Variants in DYNC1H1 observed in about 807,000 individuals in gnomAD.
DYNC1H1 encodes the protein cytoplasmic dynein 1 heavy chain 1.
A neutral mutation model predicts 527.1 loss-of-function variants in DYNC1H1; 51 were observed. The observed-to-expected ratio is 0.10, with a 90% CI of 0.08 to 0.12. The LOEUF (loss-of-function observed/expected upper bound fraction) is 0.12, where lower values mean the gene tolerates loss of function less well. Among genes scored for constraint, DYNC1H1 ranks in the 10% least tolerant of loss-of-function variants. DYNC1H1 has a pLI of 1.00. For synonymous variants in DYNC1H1, 2,189 were observed against 2,278.8 expected, an observed-to-expected ratio of 0.96 and a Z score of 1.12; for missense variants, 2,771 against 5,971.8, an observed-to-expected ratio of 0.46 and a Z score of 17.66.
rs2048604872 is a variant in DYNC1H1 at position 102,038,552 on chromosome 14, G to A, written c.11001G>A (p.Gln3667=). Residue 3667 remains glutamine (Q), a synonymous_variant, in exon 58 of 78, where the codon CAG becomes CAA. Coordinates refer to ENST00000360184, the MANE Select transcript of DYNC1H1 (RefSeq NM_001376.5). The surrounding 1 kb of genome is among the most constrained non-coding windows in gnomAD (Gnocchi z 7.2). The part of the protein sequence containing the change: ...GGRVLITLGD[Q]DIDLSPSFVI... ...GAGTGCTGATCACTCTCGGGGACCAGGACATAGACCTGTCGCCATCGTTTG... is the reference window on the plus strand; with the variant it reads ...GAGTGCTGATCACTCTCGGGGACCAAGACATAGACCTGTCGCCATCGTTTG... 11 of 1,614,114 alleles carry A rather than the reference G, an allele frequency of 6.8e-6. No individual in the cohort carries two copies. Among genetic ancestry groups the A allele is most frequent in the Admixed American group, 1.7e-5 (1 of 60,002 alleles).
chr14:102,010,107 C>T lies in DYNC1H1; in HGVS notation c.6221+21C>T. On this transcript the variant is annotated intron_variant, in intron 30 of 77. Coordinates refer to ENST00000360184, the MANE Select transcript of DYNC1H1 (RefSeq NM_001376.5). The surrounding 1 kb of genome is among the most constrained non-coding windows in gnomAD (Gnocchi z 6.0). ...TTTAAGTAAGTAGCCTAGAATTCTT[C>T]ATAATCATGTTTCTTGCATATGTTA... 6.2e-7 allele frequency: 1 copy of T among 1,613,368 alleles called. No homozygotes were observed. The highest frequency in any genetic ancestry group is 8.5e-7 in the Non-Finnish European group (1 of 1,180,038).
chr14:102,033,373 G>C lies in DYNC1H1; in HGVS notation c.10302G>C (p.Glu3434Asp). The C allele has an allele frequency of 6.2e-7, 1 of 1,614,220 alleles. No homozygotes were observed. The highest frequency in any genetic ancestry group is 1.3e-5 in the African/African-American group (1 of 75,056). The change falls in exon 54 of 78, where the codon GAG (glutamate) becomes GAC (aspartate). Residue 3434 changes from glutamate to aspartate, a missense_variant. Glu to Asp is a conservative substitution (Grantham distance 45, BLOSUM62 2). This residue lies in a region of DYNC1H1 where 283 missense variants were observed against 737.6 expected (regional missense o/e 0.38). Transcript: ENST00000360184. This position sits in a 1 kb window ranked among gnomAD's most constrained non-coding sequence, Gnocchi z 5.6. ...ACCAGCAGAAGGCCAACGAGGTGGAGCAGATGATCCGAGACCTGGAAGCCA... is the reference window on the plus strand; with the variant it reads ...ACCAGCAGAAGGCCAACGAGGTGGACCAGATGATCCGAGACCTGGAAGCCA... ...KDNQQKANEV[E>D]QMIRDLEASI...
Position 102,012,556 on chromosome 14 carries a change from C to A in DYNC1H1, c.7014+86C>A. On this transcript the variant is annotated intron_variant, in intron 34 of 77. Transcript: ENST00000360184. The surrounding 1 kb of genome is among the most constrained non-coding windows in gnomAD (Gnocchi z 4.9). ...TGCTAGCTAAGTGCAGCTCTGGAGT[C>A]ATGGACCCAGATTCCATGGAGTAGT... is the stretch of plus-strand genomic sequence containing the variant. 6.4e-7 allele frequency: 1 copy of A among 1,564,310 alleles called. No homozygotes were observed. Among genetic ancestry groups the A allele is most frequent in the Non-Finnish European group, 8.8e-7 (1 of 1,137,168 alleles).
In DYNC1H1 at chr14:102,011,605, TTAA is replaced by T. The variant is rs779521468; in HGVS notation, c.6619-265_6619-263del. 3.0e-4 allele frequency: 139 copies of T among 461,786 alleles called. No homozygotes were observed. Among genetic ancestry groups the T allele is most frequent in the Non-Finnish European group, 5.0e-4 (124 of 250,344 alleles). 28.6% of individuals were successfully genotyped at this position (461,786 alleles called of 1,614,324 possible). A position where few individuals can be genotyped will look rare whatever the true frequency, so the allele number is the denominator to read the frequency against. On this transcript the variant is annotated intron_variant, in intron 32 of 77. Transcript: ENST00000360184. This position sits in a 1 kb window ranked among gnomAD's most constrained non-coding sequence, Gnocchi z 5.3. ...AGCTGGGGAGTTTCAGTACTTGCCTTTAATAATCCATAGATAGGCGCTTGTAAA... is the reference window on the plus strand; with the variant it reads ...AGCTGGGGAGTTTCAGTACTTGCCTTTAATCCATAGATAGGCGCTTGTAAA...
intron 1 of DYNC1H1, among the ~76,000 whole-genome samples, chr14:101,966,738 A>C (rs1306462230): frequency 6.6e-6 from 1 of 152,110 alleles, no homozygotes. Context: ...TATGAAAAAA[A>C]ATTTAAGTTT....
At chr14:101,967,752 A>G (rs1298940450) in intron 1 of DYNC1H1, among the ~76,000 whole-genome samples, 1 of 152,172 alleles carries the variant, frequency 6.6e-6, no homozygotes, top group East Asian at 1.9e-4. Context: ...GCTTGAGCCC[A>G]GGAGTTTGAC....
chr14:101,992,866 C>T (rs12880132), intron 11 of DYNC1H1, among the ~76,000 whole-genome samples: 22,417 of 152,180 alleles, frequency 0.15, 1,893 homozygotes, highest in East Asian at 0.24. Flanking sequence ...TCTCCTTTCT[C>T]GGTTCCTCTT....
chr14:102,010,596 C>T lies in DYNC1H1; in HGVS notation c.6405+137C>T. On this transcript the variant is annotated intron_variant, in intron 31 of 77. Transcript: ENST00000360184. This position sits in a 1 kb window ranked among gnomAD's most constrained non-coding sequence, Gnocchi z 6.0. Reference sequence around the variant, plus strand: ...GGCTGAAATAGACTGTAATGTTGACCCAGTGAGTCGAGTGCACGAATGTGG... The same window carrying T: ...GGCTGAAATAGACTGTAATGTTGACTCAGTGAGTCGAGTGCACGAATGTGG... 1 of 1,495,424 alleles carries T rather than the reference C, an allele frequency of 6.7e-7. No individual in the cohort carries two copies. Among genetic ancestry groups the T allele is most frequent in the Non-Finnish European group, 9.1e-7 (1 of 1,094,178 alleles). 92.6% of individuals were successfully genotyped at this position (1,495,424 alleles called of 1,614,324 possible).
At position 102,010,129 on chromosome 14, in the gene DYNC1H1, G is replaced by A; in HGVS notation, c.6221+43G>A. On this transcript the variant is annotated intron_variant, in intron 30 of 77. Transcript: ENST00000360184. This position sits in a 1 kb window ranked among gnomAD's most constrained non-coding sequence, Gnocchi z 6.0. Reference sequence around the variant, plus strand: ...CTTCATAATCATGTTTCTTGCATATGTTAAATGTGTCCATTTAACCTTAAA... The same window carrying A: ...CTTCATAATCATGTTTCTTGCATATATTAAATGTGTCCATTTAACCTTAAA... 1 of 1,613,262 alleles carries A rather than the reference G, an allele frequency of 6.2e-7. No homozygotes were observed. Among genetic ancestry groups the A allele is most frequent in the African/African-American group, 1.3e-5 (1 of 75,058 alleles).
rs371853975 is a variant in DYNC1H1 at position 102,033,283 on chromosome 14, C to T, written c.10212C>T (p.Asp3404=). 2.2e-5 allele frequency: 35 copies of T among 1,614,046 alleles called. No individual in the cohort carries two copies. The East Asian group carries it at 3.1e-4, about 14-fold the overall frequency. The change falls in exon 54 of 78, where the codon GAC becomes GAT. Residue 3404 remains aspartate, a synonymous_variant. Transcript: ENST00000360184. This position sits in a 1 kb window ranked among gnomAD's most constrained non-coding sequence, Gnocchi z 5.6. The part of the protein sequence containing the change: ...KWAIAQLNYA[D]MLKRVEPLRN... ...GTTCTTCCCAGCTTAACTATGCAGACATGTTAAAGAGAGTGGAGCCCCTAC... is the reference window on the plus strand; with the variant it reads ...GTTCTTCCCAGCTTAACTATGCAGATATGTTAAAGAGAGTGGAGCCCCTAC...
Position 101,964,955 on chromosome 14 carries a change from G to C in DYNC1H1, c.256+8G>C. The C allele has an allele frequency of 6.3e-7, 1 of 1,588,878 alleles. No homozygotes were observed. Among genetic ancestry groups the C allele is most frequent in the Non-Finnish European group, 8.6e-7 (1 of 1,169,040 alleles). On this transcript the variant is annotated splice_region_variant and intron_variant, in intron 1 of 77. Transcript: ENST00000360184. This position sits in a 1 kb window ranked among gnomAD's most constrained non-coding sequence, Gnocchi z 5.5. ...AGCGCTCCACGCTCAAAGGTGCGGG[G>C]CCGCGGAGGGCAGGGTCGCCAGAGC...
Position 102,043,913 on chromosome 14 carries a change from C to A in DYNC1H1, c.12552C>A (p.Ala4184=), listed in dbSNP as rs528947377. The change falls in exon 70 of 78, where the codon GCC becomes GCA. Residue 4184 remains alanine (A), a synonymous_variant. Transcript: ENST00000360184. ...NERARLYFLL[A]WFHAIIQERL... ...GTGCCCGCTTGTACTTCCTGCTGGC[C>A]TGGTTTCATGCGATCATCCAAGAAC... 2 of 1,614,204 alleles carry A rather than the reference C, an allele frequency of 1.2e-6. No homozygotes were observed. The highest frequency in any genetic ancestry group is 3.3e-5 in the Admixed American group (2 of 60,016).
chr14:102,012,456 A>G lies in DYNC1H1; in HGVS notation c.7000A>G (p.Ser2334Gly). Residue 2334 changes from serine to glycine, a missense_variant, in exon 34 of 78, where the codon AGT (serine) becomes GGT (glycine). Physicochemically the swap from Ser to Gly is moderately conservative, Grantham distance 56. Coordinates refer to ENST00000360184, the MANE Select transcript of DYNC1H1 (RefSeq NM_001376.5). This position sits in a 1 kb window ranked among gnomAD's most constrained non-coding sequence, Gnocchi z 4.9. ...AACTTTGCCCAATGGAGAGCGCCTC[A>G]GTCTTCCACCCAATGTAAGTAGCCT... ...LLTLPNGERL[S>G]LPPNVRIMFE... is the part of the protein sequence containing the mutation. 1 of 1,614,190 alleles carries G rather than the reference A, an allele frequency of 6.2e-7. No individual in the cohort carries two copies. The highest frequency in any genetic ancestry group is 1.1e-5 in the South Asian group (1 of 91,086).
In DYNC1H1 at chr14:102,015,161, G is replaced by A. The variant is rs375808105; in HGVS notation, c.7071G>A (p.Ser2357=). The A allele has an allele frequency of 1.5e-4, 239 of 1,614,194 alleles. No homozygotes were observed. The highest frequency in any genetic ancestry group is 1.8e-4 in the Non-Finnish European group (218 of 1,180,026). The change falls in exon 35 of 78, where the codon TCG becomes TCA. Residue 2357 remains serine, a synonymous_variant. Transcript: ENST00000360184. This position sits in a 1 kb window ranked among gnomAD's most constrained non-coding sequence, Gnocchi z 6.9. ...AATACGCGACCTTGGCCACAGTGTC[G>A]CGCTGCGGCATGGTCTGGTTCAGTG... ...DLKYATLATV[S]RCGMVWFSED...
rs145849008 is a variant in DYNC1H1, at chr14:102,044,024, G to A, written c.12663G>A (p.Thr4221=). 49 of 1,613,912 alleles carry A rather than the reference G, an allele frequency of 3.0e-5. 1 individual carries two copies. Among genetic ancestry groups the A allele is most frequent in the South Asian group, 4.4e-5 (4 of 91,094 alleles). The part of the protein sequence containing the change: ...DLRSACDTVD[T]WLDDTAKGRQ... Reference sequence around the variant, plus strand: ...GGTCAGCTTGCGATACGGTGGACACGTGGCTGGATGACACGGCCAAGGCAA... The same window carrying A: ...GGTCAGCTTGCGATACGGTGGACACATGGCTGGATGACACGGCCAAGGCAA... Residue 4221 remains threonine (T), a synonymous_variant, in exon 70 of 78, where the codon ACG becomes ACA. Transcript: ENST00000360184. This position sits in a 1 kb window ranked among gnomAD's most constrained non-coding sequence, Gnocchi z 7.1.
chr14:101,991,523 A>G lies in DYNC1H1; in HGVS notation c.2869-4A>G. ...TGAGTAGAAATGAAACCTTTCTTTC[A>G]CAGAATGTCGTTCATGAGCTAAGAA... On this transcript the variant is annotated splice_polypyrimidine_tract_variant and splice_region_variant and intron_variant, in intron 10 of 77. Coordinates refer to ENST00000360184, the MANE Select transcript of DYNC1H1 (RefSeq NM_001376.5). 2 of 1,614,208 alleles carry G rather than the reference A, an allele frequency of 1.2e-6. No individual in the cohort carries two copies. The highest frequency in any genetic ancestry group is 1.7e-6 in the Non-Finnish European group (2 of 1,180,042).
chr14:102,012,171 C>G lies in DYNC1H1; in HGVS notation c.6857+58C>G, dbSNP rs2048265674. On this transcript the variant is annotated intron_variant, in intron 33 of 77. Transcript: ENST00000360184. The surrounding 1 kb of genome is among the most constrained non-coding windows in gnomAD (Gnocchi z 4.9). ...CTGGATATGGGCGCTAAGTACTTTGCTCTCACAAGAGCAGAGTATACGTTA... is the reference window on the plus strand; with the variant it reads ...CTGGATATGGGCGCTAAGTACTTTGGTCTCACAAGAGCAGAGTATACGTTA... 6.2e-7 allele frequency: 1 copy of G among 1,611,876 alleles called. No individual in the cohort carries two copies.
At chr14:102,019,649 T>C (rs2048362922) in intron 41 of DYNC1H1, among the ~76,000 whole-genome samples, 1 of 152,236 alleles carries the variant, frequency 6.6e-6, no homozygotes, top group Non-Finnish European at 1.5e-5. Context: ...TCGCCAAGGC[T>C]GGAATGCAGT....
At position 101,979,854 on chromosome 14, in the gene DYNC1H1, A is replaced by G. The variant is rs1595597628; in HGVS notation, c.654A>G (p.Lys218=). ...PIHPMITNVA[K]QCYERGEKPK... Reference sequence around the variant, plus strand: ...ATCCAATGATCACAAATGTTGCAAAACAGTGTTATGAGCGTGGAGAAAAGC... The same window carrying G: ...ATCCAATGATCACAAATGTTGCAAAGCAGTGTTATGAGCGTGGAGAAAAGC... Residue 218 remains lysine (K), a synonymous_variant, in exon 4 of 78, where the codon AAA becomes AAG. Coordinates refer to ENST00000360184, the MANE Select transcript of DYNC1H1 (RefSeq NM_001376.5). The surrounding 1 kb of genome is among the most constrained non-coding windows in gnomAD (Gnocchi z 4.6). The G allele has an allele frequency of 1.9e-6, 3 of 1,614,196 alleles. No homozygotes were observed. The South Asian group carries it at 3.3e-5, about 18-fold the overall frequency.
Sources: allele counts gnomAD v4.1 joint callset (sites outside exome capture counted in the v4.1 genomes callset), GRCh38; gene constraint gnomAD v4.1.1; regional missense constraint gnomAD v4.1.1; non-coding constraint Gnocchi (gnomAD v3.1); transcripts MANE v1.5; gene names NCBI Gene and HGNC (gene_info 2026-07-23, HGNC 2026-07-21).